The following MTSS1 variants were observed in gnomAD, a reference collection of about 807,000 sequenced individuals.
The protein encoded by MTSS1 is MTSS I-BAR domain containing 1.
MTSS1 carries 18 observed loss-of-function variants against 79.0 expected under a neutral mutation model. The ratio of observed to expected loss-of-function variants is 0.23; its 90% confidence interval spans 0.16 to 0.34. The LOEUF is 0.34. Ranked by LOEUF, MTSS1 falls within the 10% of genes least tolerant of loss-of-function variation. The pLI, the probability that MTSS1 is intolerant of heterozygous loss-of-function variation, is 1.00. For synonymous variants in MTSS1, 341 were observed against 368.6 expected (o/e 0.93, Z 0.86); for missense variants, 815 against 986.2 (o/e 0.83, Z 2.33).
chr8:124,616,358 C>T (rs4871516), intron 3 of MTSS1, among the ~76,000 whole-genome samples: 38,359 of 143,928 alleles, frequency 0.27, 6,822 homozygotes, highest in African/African-American at 0.52. Context: ...TTAAGTGTGC[C>T]TGTTTCAGGC....
intron 6 of MTSS1, among the ~76,000 whole-genome samples, chr8:124,578,160 G>A (rs960395843): frequency 1.6e-4 from 25 of 152,162 alleles, no homozygotes; most frequent in Admixed American, 1.3e-3. Flanking sequence ...AGTGTGGGGT[G>A]GGGAGACGCG....
At chr8:124,678,719 C>T (rs776103413) in intron 3 of MTSS1, among the ~76,000 whole-genome samples, 1 of 152,192 alleles carries the variant, frequency 6.6e-6, no homozygotes, top group South Asian at 2.1e-4. Flanking sequence ...TGGGTGGGGA[C>T]ACAGCCAAGC....
chr8:124,568,342 A>G (rs774876150), intron 7 of MTSS1, 37 bp downstream of exon 7: 5 of 1,596,782 alleles, frequency 3.1e-6, no homozygotes. Flanking sequence ...CCTCTACACC[A>G]GCAGTTTAAA....
At chr8:124,574,226 G>T (rs1307571930) in intron 6 of MTSS1, among the ~76,000 whole-genome samples, 1 of 152,162 alleles carries the variant, frequency 6.6e-6, no homozygotes. Context: ...ATCACAGTGT[G>T]AGCCACCACA....
chr8:124,580,321 CAG>C (rs1356417366), intron 6 of MTSS1: 7 of 515,760 alleles, frequency 1.4e-5, no homozygotes, highest in South Asian at 1.2e-4. Context: ...CAAAGGCTCT[CAG>C]AGTGTTGTGC....
chr8:124,564,780 G>A (rs1358984408), intron 9 of MTSS1: 3 of 151,776 alleles, frequency 2.0e-5, no homozygotes, highest in Non-Finnish European at 4.4e-5. Flanking sequence ...AGGATGCAGC[G>A]TCTTAGGTCT....
intron 3 of MTSS1, among the ~76,000 whole-genome samples, chr8:124,622,316 G>A (rs987465763): frequency 6.6e-6 from 1 of 151,836 alleles, no homozygotes; most frequent in Non-Finnish European, 1.5e-5. Context: ...AGCAGGGGTG[G>A]GGGAGGTGAA....
chr8:124,685,830 C>T (rs887900577), intron 3 of MTSS1, among the ~76,000 whole-genome samples: 1 of 152,044 alleles, frequency 6.6e-6, no homozygotes, highest in Non-Finnish European at 1.5e-5. Context: ...CAGGAGAAAA[C>T]AAGGACTGAA....
intron 3 of MTSS1, among the ~76,000 whole-genome samples, chr8:124,658,668 G>T (rs569249392): frequency 6.6e-6 from 1 of 152,170 alleles, no homozygotes; most frequent in Non-Finnish European, 1.5e-5. Flanking sequence ...GCAGGAGGGA[G>T]AGACAGAAGG....
chr8:124,631,421 G>T (rs115839131), intron 3 of MTSS1, among the ~76,000 whole-genome samples: 1 of 152,166 alleles, frequency 6.6e-6, no homozygotes, highest in African/African-American at 2.4e-5. Flanking sequence ...AGCGCTACAC[G>T]ACAGTCCCGA....
chr8:124,627,353 G>A (rs1814900689), intron 3 of MTSS1, among the ~76,000 whole-genome samples: 1 of 152,202 alleles, frequency 6.6e-6, no homozygotes, highest in Non-Finnish European at 1.5e-5. Flanking sequence ...GCCACTTCAT[G>A]CATTAGGTAC....
intron 3 of MTSS1, among the ~76,000 whole-genome samples, chr8:124,609,928 T>C (rs756433053): frequency 3.4e-4 from 52 of 152,106 alleles, no homozygotes; most frequent in Non-Finnish European, 6.2e-4. Context: ...TCTTCATACA[T>C]ATCAGACTCA....
chr8:124,583,051 T>A (rs1243442488), intron 6 of MTSS1, among the ~76,000 whole-genome samples: 1 of 152,198 alleles, frequency 6.6e-6, no homozygotes, highest in Non-Finnish European at 1.5e-5. Flanking sequence ...TATTTTCTGG[T>A]GGTATCTTGA....
chr8:124,670,273 A>T (rs1409854304), intron 3 of MTSS1, among the ~76,000 whole-genome samples: 1 of 152,158 alleles, frequency 6.6e-6, no homozygotes, highest in Non-Finnish European at 1.5e-5. Flanking sequence ...AAACAGAGGG[A>T]ACAGCAAATA....
intron 3 of MTSS1, among the ~76,000 whole-genome samples, chr8:124,638,382 A>G (rs1203311534): frequency 1.3e-5 from 2 of 152,232 alleles, no homozygotes; most frequent in African/African-American, 4.8e-5. Flanking sequence ...AACTGGGCCT[A>G]TCTTAGAGTT....
At chr8:124,626,756 C>T (rs1166517902) in intron 3 of MTSS1, among the ~76,000 whole-genome samples, 1 of 152,094 alleles carries the variant, frequency 6.6e-6, no homozygotes, top group Non-Finnish European at 1.5e-5. Flanking sequence ...GCTACAAGTT[C>T]TGTCTGGGAC....
intron 6 of MTSS1, among the ~76,000 whole-genome samples, chr8:124,577,787 T>C (rs1471963298): frequency 6.6e-6 from 1 of 152,150 alleles, no homozygotes; most frequent in Non-Finnish European, 1.5e-5. Context: ...CTGACATCCC[T>C]GTGGGAAGGA....
intron 4 of MTSS1, among the ~76,000 whole-genome samples, 163 bp from the exon 5 acceptor site, chr8:124,589,874 T>A (rs1483186132): frequency 6.6e-6 from 1 of 152,130 alleles, no homozygotes; most frequent in South Asian, 2.1e-4. Context: ...TGCTTTTCTT[T>A]TAAGACAGAG....
At chr8:124,568,088 C>G in intron 7 of MTSS1, 1 of 776,498 alleles carries the variant, frequency 1.3e-6, no homozygotes, top group Non-Finnish European at 1.9e-6. Context: ...CATTTCTAGC[C>G]AGTTCCCACG....
Sources: allele counts gnomAD v4.1 joint callset (sites outside exome capture counted in the v4.1 genomes callset), GRCh38; gene constraint gnomAD v4.1.1; transcripts MANE v1.5; gene names NCBI Gene and HGNC (gene_info 2026-07-23, HGNC 2026-07-21).